CLGN: variants seen among roughly 807,000 people sequenced by gnomAD.
CLGN encodes testis tissue sperm-binding protein Li 79P.
CLGN carries 62 observed loss-of-function variants against 79.1 expected under a neutral mutation model. The observed-to-expected ratio is 0.78, with a 90% CI of 0.64 to 0.97. The LOEUF is 0.97. Among genes scored for constraint, CLGN ranks in the 50% least tolerant of loss-of-function variants. CLGN has a pLI of 0.00. For missense variants in CLGN, 647 were observed against 715.5 expected, an observed-to-expected ratio of 0.90 and a Z score of 1.09; for synonymous variants, 225 against 224.7, an observed-to-expected ratio of 1.00 and a Z score of -0.01.
At chr4:140,393,559 G>C (rs1728814873) in intron 11 of CLGN, among the ~76,000 whole-genome samples, 1 of 152,072 alleles carries the variant, frequency 6.6e-6, no homozygotes, top group South Asian at 2.1e-4. Flanking sequence ...CTTCTTCTAT[G>C]AACAGTAAAT....
intron 8 of CLGN, among the ~76,000 whole-genome samples, chr4:140,397,117 A>C (rs1008144826): frequency 2.0e-5 from 3 of 151,564 alleles, no homozygotes; most frequent in African/African-American, 7.3e-5. Flanking sequence ...TGAAAATATA[A>C]TTGTTAAGAG....
intron 1 of CLGN, among the ~76,000 whole-genome samples, chr4:140,424,543 ATTTC>A (rs1729527066): frequency 6.6e-6 from 1 of 152,112 alleles, no homozygotes; most frequent in Admixed American, 6.6e-5. Context: ...GGTGTTATCT[ATTTC>A]TTTATTGATC....
chr4:140,390,845 G>A (rs1171832803), intron 13 of CLGN, 117 bp from the exon 14 acceptor site: 3 of 514,566 alleles, frequency 5.8e-6, no homozygotes, highest in African/African-American at 2.0e-5. Context: ...CCAAGATTTA[G>A]AAGCAACTTC....
chr4:140,391,044 A>C (rs1728762138), intron 13 of CLGN, among the ~76,000 whole-genome samples: 1 of 151,622 alleles, frequency 6.6e-6, no homozygotes, highest in Admixed American at 6.6e-5. Flanking sequence ...ATTTTTGGTG[A>C]TCTTTTAATC....
Position 140,396,098 on chromosome 4 carries a change from T to C in CLGN, c.992A>G (p.Asp331Gly). 2 of 1,613,966 alleles carry C rather than the reference T, an allele frequency of 1.2e-6. No individual in the cohort carries two copies. The highest frequency in any genetic ancestry group is 1.7e-6 in the Non-Finnish European group (2 of 1,179,830). The part of the protein sequence containing the change: ...FIPDPNAEKP[D>G]DWNEDTDGEW... ...GAAGATGAAGAGTGCTTACCAGTCA[T>C]CAGGTTTTTCAGCATTAGGATCAGG... The change falls in exon 9 of 15, where the codon GAT becomes GGT. Residue 331 changes from aspartate to glycine, a missense_variant. By Grantham distance (94) the Asp-to-Gly change is moderately conservative. Coordinates refer to ENST00000325617, the MANE Select transcript of CLGN (RefSeq NM_004362.3).
chr4:140,419,548 A>G (rs1337446513), intron 1 of CLGN, among the ~76,000 whole-genome samples: 1 of 152,166 alleles, frequency 6.6e-6, no homozygotes, highest in African/African-American at 2.4e-5. Context: ...AATGCTGAGA[A>G]AAGATACAAA....
intron 4 of CLGN, among the ~76,000 whole-genome samples, chr4:140,408,026 A>T (rs1729140729): frequency 1.3e-5 from 2 of 152,092 alleles, no homozygotes; most frequent in Non-Finnish European, 2.9e-5. Flanking sequence ...ATAAAGCAAA[A>T]TACTTACAAC....
intron 2 of CLGN, among the ~76,000 whole-genome samples, chr4:140,411,527 G>C (rs1729210851): frequency 6.6e-6 from 1 of 152,102 alleles, no homozygotes; most frequent in East Asian, 1.9e-4. Context: ...GATTGTATCT[G>C]TATGATTAGT....
At chr4:140,402,295 C>T (rs1729014885) in intron 5 of CLGN, among the ~76,000 whole-genome samples, 1 of 151,938 alleles carries the variant, frequency 6.6e-6, no homozygotes, top group Non-Finnish European at 1.5e-5. Context: ...TTACAATCAA[C>T]TGCAGACAAA....
intron 6 of CLGN, 102 bp downstream of exon 6, chr4:140,401,882 CT>C: frequency 1.5e-6 from 1 of 660,134 alleles, no homozygotes; most frequent in South Asian, 2.1e-5. Flanking sequence ...ATCTACAATT[CT>C]TTTCAATTTC....
intron 7 of CLGN, among the ~76,000 whole-genome samples, chr4:140,399,960 A>G (rs1728967341): frequency 6.6e-6 from 1 of 152,036 alleles, no homozygotes; most frequent in Admixed American, 6.6e-5. Context: ...CTTCCTTTTT[A>G]TTTTTTAGTT....
chr4:140,413,503 C>G (rs192525173), intron 1 of CLGN, among the ~76,000 whole-genome samples: 1 of 152,200 alleles, frequency 6.6e-6, no homozygotes, highest in South Asian at 2.1e-4. Context: ...GTGCGTGCAC[C>G]GTGCGTGAGC....
intron 10 of CLGN, 89 bp from the exon 11 acceptor site, chr4:140,394,130 G>T: frequency 2.3e-6 from 2 of 865,250 alleles, no homozygotes; most frequent in Non-Finnish European, 3.6e-6. Flanking sequence ...AATGAAATTC[G>T]CAATGCTAAC....
At chr4:140,403,439 T>C (rs1560742494) in intron 5 of CLGN, among the ~76,000 whole-genome samples, 1 of 152,240 alleles carries the variant, frequency 6.6e-6, no homozygotes, top group Non-Finnish European at 1.5e-5. Context: ...AGAGGACAGT[T>C]TGTTTTCCTC....
chr4:140,424,708 A>T (rs1036663582), intron 1 of CLGN, among the ~76,000 whole-genome samples: 4 of 151,916 alleles, frequency 2.6e-5, no homozygotes, highest in African/African-American at 7.3e-5. Flanking sequence ...TGTATTCCTC[A>T]CTCCATGAGG....
intron 8 of CLGN, among the ~76,000 whole-genome samples, chr4:140,398,553 T>C (rs545177463): frequency 1.6e-4 from 25 of 152,106 alleles, no homozygotes; most frequent in Admixed American, 1.1e-3. Flanking sequence ...AAGATCAAAC[T>C]AGGAATGAAA....
At chr4:140,396,938 T>TATATATATATATATATAC (rs1728903078) in intron 8 of CLGN, among the ~76,000 whole-genome samples, 1 of 143,722 alleles carries the variant, frequency 7.0e-6, no homozygotes, top group Non-Finnish European at 1.5e-5. Context: ...TATATATATA[T>TATATATATATATATATAC]ACACATAGCT....
In CLGN at chr4:140,394,038, T is replaced by C; in HGVS notation, c.1153A>G (p.Ile385Val). The C allele has an allele frequency of 6.2e-7, 1 of 1,605,856 alleles. No homozygotes were observed. The highest frequency in any genetic ancestry group is 8.5e-7 in the Non-Finnish European group (1 of 1,174,306). Residue 385 changes from isoleucine (I) to valine (V), a missense_variant, in exon 11 of 15, where the codon ATC (isoleucine) becomes GTC (valine). Ile to Val is a conservative substitution (Grantham distance 29). Coordinates refer to ENST00000325617, the MANE Select transcript of CLGN (RefSeq NM_004362.3). Reference protein sequence around the residue: ...PLVDNPNYQGIWSPRKIPNPD... With the variant: ...PLVDNPNYQGVWSPRKIPNPD... ...TTAGGAATTTTTCGAGGACTCCAGA[T>C]TCCCTGGAAGAAAAGTAATTGAAGA...
At chr4:140,401,235 G>C (rs1047087728) in intron 6 of CLGN, among the ~76,000 whole-genome samples, 2 of 152,102 alleles carry the variant, frequency 1.3e-5, no homozygotes, top group Non-Finnish European at 2.9e-5. Flanking sequence ...AGTGCTTATA[G>C]AAATACTTGG....
Sources: gnomAD v4.1 joint callset for allele counts (sites outside exome capture counted in the v4.1 genomes callset) on GRCh38, gnomAD v4.1.1 for gene constraint, MANE v1.5 for transcripts, NCBI Gene and HGNC (gene_info 2026-07-23, HGNC 2026-07-21) for gene names.